The following TUSC3 variants were observed in gnomAD, a reference collection of about 807,000 sequenced individuals.
The protein encoded by TUSC3 is tumor suppressor candidate 3.
Under a neutral mutation model 44.8 loss-of-function variants are expected in TUSC3, and 45 were observed. That is an observed-to-expected ratio of 1.00 (90% CI 0.79 to 1.29). TUSC3 has a LOEUF of 1.29. Ranked by LOEUF, TUSC3 falls within the 50% of genes most tolerant of loss-of-function variation. TUSC3 has a pLI of 0.00. For missense variants in TUSC3, 519 were observed against 437.9 expected (o/e 1.19, Z -1.65); for synonymous variants, 212 against 152.9 (o/e 1.39, Z -2.85).
intron 2 of TUSC3, among the ~76,000 whole-genome samples, chr8:15,635,007 A>C (rs1805999668): frequency 6.6e-6 from 1 of 152,116 alleles, no homozygotes; most frequent in Non-Finnish European, 1.5e-5. Context: ...ATGTCAGTAA[A>C]ACAAGAGAAC....
chr8:15,488,089 A>C (rs967890524), intron 2 of TUSC3, among the ~76,000 whole-genome samples: 3 of 152,106 alleles, frequency 2.0e-5, no homozygotes, highest in African/African-American at 7.2e-5. Flanking sequence ...GGGAAGGAAG[A>C]TTTAAAGTAG....
At chr8:15,643,757 T>C (rs938814656) in intron 2 of TUSC3, among the ~76,000 whole-genome samples, 5 of 152,192 alleles carry the variant, frequency 3.3e-5, no homozygotes, top group African/African-American at 7.2e-5. Flanking sequence ...GGCCCTGATA[T>C]GTATAGCGCA....
intron 2 of TUSC3, among the ~76,000 whole-genome samples, chr8:15,645,570 A>G (rs570457287): frequency 6.6e-6 from 1 of 152,192 alleles, no homozygotes; most frequent in South Asian, 2.1e-4. Flanking sequence ...TCTATTCTTT[A>G]ACCTCTTAAA....
intron 1 of TUSC3, among the ~76,000 whole-genome samples, chr8:15,612,959 GAA>G (rs1804824434): frequency 6.6e-6 from 1 of 151,690 alleles, no homozygotes; most frequent in Non-Finnish European, 1.5e-5. Context: ...AATGTTCACA[GAA>G]ACAATATATT....
chr8:15,657,003 G>A lies in TUSC3; in HGVS notation c.427-2504G>A, dbSNP rs777342760. 1.3e-3 allele frequency among the ~76,000 whole-genome samples: 196 copies of A among 152,212 alleles called. 1 individual carries two copies. Among genetic ancestry groups the A allele is most frequent in the Non-Finnish European group, 2.5e-3 (167 of 68,016 alleles). On this transcript the variant is annotated intron_variant, in intron 3 of 10. Coordinates refer to ENST00000503731, the MANE Select transcript of TUSC3 (RefSeq NM_006765.4). ...GCACTACAGCAGTATGCAGGGAGTG[G>A]ACACCCCAAGTGGCTCTGAACAGTG...
At chr8:15,775,874 A>G in the TUSC3 span, among the ~76,000 whole-genome samples, 3 of 151,414 alleles carry the variant, frequency 2.0e-5, no homozygotes, top group Admixed American at 2.0e-4. Flanking sequence ...TATAGGAGCA[A>G]GATGCTTATT....
At chr8:15,693,555 T>C (rs1385582536) in intron 6 of TUSC3, among the ~76,000 whole-genome samples, 1 of 151,424 alleles carries the variant, frequency 6.6e-6, no homozygotes, top group Non-Finnish European at 1.5e-5. Flanking sequence ...ATAGGTGATC[T>C]GGCCCTTTTC....
At chr8:15,524,203 T>A (rs185739456) in intron 2 of TUSC3, among the ~76,000 whole-genome samples, 1 of 152,290 alleles carries the variant, frequency 6.6e-6, no homozygotes, top group Admixed American at 6.5e-5. Flanking sequence ...TGTTGTGAAT[T>A]CTTAAAAATA....
At chr8:15,545,104 C>G (rs78242068) in intron 1 of TUSC3, among the ~76,000 whole-genome samples, 3,732 of 151,580 alleles carry the variant, frequency 0.025, 180 homozygotes, top group African/African-American at 0.084. Flanking sequence ...AATTAAAATT[C>G]AGAGAGTTTG....
chr8:15,477,383 A>G (rs117996576), intron 1 of TUSC3, among the ~76,000 whole-genome samples: 2,102 of 152,314 alleles, frequency 0.014, 20 homozygotes, highest in Middle Eastern at 0.041. Flanking sequence ...ATTACTTGCA[A>G]TCAACTAACT....
chr8:15,771,447 G>C (rs1011141635), downstream of TUSC3, among the ~76,000 whole-genome samples: 1 of 152,000 alleles, frequency 6.6e-6, no homozygotes, highest in Admixed American at 6.6e-5. Context: ...GTCATACAAA[G>C]AAATGAAAAA....
At chr8:15,534,876 C>T (rs28710930) in intron 2 of TUSC3, among the ~76,000 whole-genome samples, 31,425 of 151,834 alleles carry the variant, frequency 0.21, 3,169 homozygotes, top group Middle Eastern at 0.26. Context: ...CTTACTTGAA[C>T]GCAGTTTGAA....
intron 1 of TUSC3, among the ~76,000 whole-genome samples, chr8:15,594,250 G>A (rs539233075): frequency 3.8e-4 from 58 of 152,152 alleles, no homozygotes; most frequent in Non-Finnish European, 5.9e-4. Flanking sequence ...TTCACGTGTT[G>A]TAGTTTTCAT....
intron 1 of TUSC3, among the ~76,000 whole-genome samples, chr8:15,431,154 T>G (rs1274737596): frequency 6.6e-6 from 1 of 151,806 alleles, no homozygotes; most frequent in Non-Finnish European, 1.5e-5. Flanking sequence ...AAGATCACTT[T>G]GGCTATTCTT....
chr8:15,661,325 A>G (rs2129179728), intron 4 of TUSC3, among the ~76,000 whole-genome samples: 1 of 152,078 alleles, frequency 6.6e-6, no homozygotes, highest in East Asian at 1.9e-4. Context: ...TTTAATTGTC[A>G]TGTCTTGTAA....
intron 2 of TUSC3, among the ~76,000 whole-genome samples, chr8:15,495,597 C>A (rs181572276): frequency 6.6e-6 from 1 of 152,040 alleles, no homozygotes; most frequent in East Asian, 1.9e-4. Context: ...TTGTGTATTC[C>A]CCTCCCCTAA....
intron 2 of TUSC3, among the ~76,000 whole-genome samples, chr8:15,504,609 ATATATATATATATTTTTTTTTTTT>A (rs1801023724): frequency 3.8e-5 from 1 of 25,990 alleles, no homozygotes; most frequent in African/African-American, 1.5e-4. Context: ...ATATATATAT[ATATATATATATATTTTTTTTTTTT>A]TTTTTTTTTA....
Position 15,735,392 on chromosome 8 carries a change from C to T in TUSC3, c.862+4663C>T, listed in dbSNP as rs187899767. Among the ~76,000 whole-genome samples the T allele has an allele frequency of 3.9e-5, 6 of 152,248 alleles. No individual in the cohort carries two copies. In the East Asian group the frequency reaches 9.7e-4, roughly 25 times the overall value. ...TGTAGGATAGAAATATGGAGGAGAA[C>T]AAGGTTTGGAGGGCAATGTTTAGCC... On this transcript the variant is annotated intron_variant, in intron 7 of 10. Transcript: ENST00000503731.
At chr8:15,600,862 A>C (rs997501237) in intron 1 of TUSC3, among the ~76,000 whole-genome samples, 4 of 151,716 alleles carry the variant, frequency 2.6e-5, no homozygotes, top group Non-Finnish European at 5.9e-5. Context: ...TATCAGTGTA[A>C]AATTGCTTAA....
Sources: allele counts gnomAD v4.1 joint callset (sites outside exome capture counted in the v4.1 genomes callset), GRCh38; gene constraint gnomAD v4.1.1; transcripts MANE v1.5; gene names NCBI Gene and HGNC (gene_info 2026-07-23, HGNC 2026-07-21).